RAB39A: variants seen among roughly 807,000 people sequenced by gnomAD.
RAB39A encodes RAB39A, member RAS oncogene family.
A neutral mutation model predicts 20.9 loss-of-function variants in RAB39A; 17 were observed. That is an observed-to-expected ratio of 0.81 (90% CI 0.56 to 1.22). RAB39A has a LOEUF of 1.22. RAB39A is among the 50% of genes most tolerant of loss of function. RAB39A has a pLI of 0.00. For missense variants in RAB39A, 234 were observed against 270.5 expected (o/e 0.87, Z 0.95); for synonymous variants, 99 against 103.4 (o/e 0.96, Z 0.26).
At position 107,962,604 on chromosome 11, in the gene RAB39A, T is replaced by A. The variant is rs1861510137; in HGVS notation, c.*232T>A. 2 of 411,562 alleles carry A rather than the reference T, an allele frequency of 4.9e-6. No homozygotes were observed. The highest frequency in any genetic ancestry group is 1.4e-4 in the South Asian group (2 of 14,432). 25.5% of individuals were successfully genotyped at this position (411,562 alleles called of 1,614,324 possible). ...AGACAATCTTTTTCTTGAAATTACCTCCATTCTTACTTTGTTAGCATACGC... is the reference window on the plus strand; with the variant it reads ...AGACAATCTTTTTCTTGAAATTACCACCATTCTTACTTTGTTAGCATACGC... On this transcript the variant is annotated 3_prime_UTR_variant, in exon 2 of 2. Transcript: ENST00000320578.
intron 1 of RAB39A, among the ~76,000 whole-genome samples, chr11:107,929,855 G>A (rs1389675931): frequency 6.6e-6 from 1 of 152,178 alleles, no homozygotes; most frequent in Non-Finnish European, 1.5e-5. Flanking sequence ...GTATTGTACT[G>A]TTCTGTTTCT....
At chr11:107,935,833 G>A (rs1163360776) in intron 1 of RAB39A, among the ~76,000 whole-genome samples, 1 of 150,096 alleles carries the variant, frequency 6.7e-6, no homozygotes, top group Admixed American at 6.6e-5. Flanking sequence ...TGTTCCCTTA[G>A]CCATAAACAT....
intron 1 of RAB39A, among the ~76,000 whole-genome samples, chr11:107,941,318 G>A (rs1268013170): frequency 6.6e-6 from 1 of 152,008 alleles, no homozygotes; most frequent in African/African-American, 2.4e-5. Context: ...CTAGTGTTCT[G>A]CAAAACATAC....
In RAB39A at chr11:107,940,592, C is replaced by G. The variant is rs1861249015; in HGVS notation, c.227+11797C>G. Among the ~76,000 whole-genome samples, 2 of 152,114 alleles carry G rather than the reference C, an allele frequency of 1.3e-5. 1 individual carries two copies. The highest frequency in any genetic ancestry group is 4.1e-4 in the South Asian group (2 of 4,820). ...AGAGCAAAATTCCTACAAGCTTATA[C>G]TTCATGATTTTAATAAATCTGCCTC... On this transcript the variant is annotated intron_variant, in intron 1 of 1. Transcript: ENST00000320578.
chr11:107,943,828 C>G (rs1333037019), intron 1 of RAB39A, among the ~76,000 whole-genome samples: 2 of 152,102 alleles, frequency 1.3e-5, no homozygotes, highest in African/African-American at 4.8e-5. Context: ...GGTGCAGTGG[C>G]TCATGCCTGT....
chr11:107,957,817 T>C (rs1861452689), intron 1 of RAB39A, among the ~76,000 whole-genome samples: 1 of 152,184 alleles, frequency 6.6e-6, no homozygotes, highest in Non-Finnish European at 1.5e-5. Flanking sequence ...CTTGCTTCTG[T>C]TCTTTTCTTC....
intron 1 of RAB39A, among the ~76,000 whole-genome samples, chr11:107,960,892 C>A (rs543538763): frequency 6.6e-5 from 10 of 152,156 alleles, no homozygotes; most frequent in Non-Finnish European, 1.3e-4. Context: ...CTCCAGCCAG[C>A]GCCTCCCATT....
intron 1 of RAB39A, among the ~76,000 whole-genome samples, chr11:107,954,607 A>AT (rs1861415110): frequency 6.6e-6 from 1 of 152,168 alleles, no homozygotes; most frequent in Non-Finnish European, 1.5e-5. Context: ...CAAGTTCTCC[A>AT]TTGAGCGTGG....
intron 1 of RAB39A, among the ~76,000 whole-genome samples, chr11:107,946,617 C>T (rs1265556070): frequency 3.3e-5 from 5 of 149,390 alleles, no homozygotes; most frequent in Non-Finnish European, 7.4e-5. Context: ...GGACTACAGG[C>T]GCCCGCCACC....
At chr11:107,944,357 G>A (rs1215945979) in intron 1 of RAB39A, among the ~76,000 whole-genome samples, 1 of 152,110 alleles carries the variant, frequency 6.6e-6, no homozygotes, top group South Asian at 2.1e-4. Flanking sequence ...ATAGTCTCTC[G>A]ATGGGTTGCT....
intron 1 of RAB39A, among the ~76,000 whole-genome samples, chr11:107,956,680 C>T (rs1272729603): frequency 6.6e-6 from 1 of 152,194 alleles, no homozygotes; most frequent in African/African-American, 2.4e-5. Context: ...TATTCCTCAG[C>T]AGTGTTGAGT....
chr11:107,957,372 A>C (rs1169473338), intron 1 of RAB39A, among the ~76,000 whole-genome samples: 1 of 152,256 alleles, frequency 6.6e-6, no homozygotes, highest in Non-Finnish European at 1.5e-5. Flanking sequence ...AATAATTATC[A>C]GGAAGTTGCA....
intron 1 of RAB39A, among the ~76,000 whole-genome samples, chr11:107,946,676 G>C (rs1861322211): frequency 6.6e-6 from 1 of 150,410 alleles, no homozygotes; most frequent in Non-Finnish European, 1.5e-5. Context: ...GGGTTTCACT[G>C]TGTTAGCCAG....
intron 1 of RAB39A, among the ~76,000 whole-genome samples, chr11:107,950,477 GA>G (rs949420003): frequency 2.6e-5 from 4 of 151,682 alleles, no homozygotes; most frequent in African/African-American, 9.7e-5. Context: ...AAGTTTAAAA[GA>G]AAAAAAGTCT....
intron 1 of RAB39A, among the ~76,000 whole-genome samples, chr11:107,945,199 G>T (rs1861296468): frequency 6.8e-6 from 1 of 146,096 alleles, no homozygotes; most frequent in Non-Finnish European, 1.5e-5. Context: ...AAAAAAAGAA[G>T]CCGCCAGCCA....
rs75039801 is a variant in RAB39A at position 107,962,812 on chromosome 11, A to C, written c.*440A>C. 6.1e-3 allele frequency: 934 copies of C among 153,496 alleles called. 3 individuals carry two copies. Among genetic ancestry groups the C allele is most frequent in the Non-Finnish European group, 9.2e-3 (635 of 68,822 alleles). 9.5% of individuals were successfully genotyped at this position (153,496 alleles called of 1,614,324 possible). ...TCACCTGCAGAGTAAACAATCTCAG[A>C]AGTATCGACTAGGACGTAAATAGCA... On this transcript the variant is annotated 3_prime_UTR_variant, in exon 2 of 2. Coordinates refer to ENST00000320578, the MANE Select transcript of RAB39A (RefSeq NM_017516.3).
chr11:107,940,651 T>C (rs751546629), intron 1 of RAB39A, among the ~76,000 whole-genome samples: 1 of 152,140 alleles, frequency 6.6e-6, no homozygotes, highest in Non-Finnish European at 1.5e-5. Flanking sequence ...ATTCTGATAA[T>C]ATATGATTCA....
intron 1 of RAB39A, among the ~76,000 whole-genome samples, chr11:107,940,445 A>T (rs542600085): frequency 6.6e-6 from 1 of 151,656 alleles, no homozygotes; most frequent in Non-Finnish European, 1.5e-5. Flanking sequence ...TGTATTTTTA[A>T]TAGAGAAGGG....
chr11:107,939,886 T>C (rs907181838), intron 1 of RAB39A, among the ~76,000 whole-genome samples: 2 of 152,130 alleles, frequency 1.3e-5, no homozygotes, highest in Non-Finnish European at 2.9e-5. Flanking sequence ...GTTAAAGATA[T>C]GGTTGTGAGT....
Sources: allele counts gnomAD v4.1 joint callset (sites outside exome capture counted in the v4.1 genomes callset), GRCh38; gene constraint gnomAD v4.1.1; transcripts MANE v1.5; gene names NCBI Gene and HGNC (gene_info 2026-07-23, HGNC 2026-07-21).